The following MTOR variants were observed in gnomAD, a reference collection of about 807,000 sequenced individuals.
MTOR encodes mechanistic target of rapamycin kinase.
A neutral mutation model predicts 319.8 loss-of-function variants in MTOR; 70 were observed. The observed-to-expected ratio is 0.22, with a 90% CI of 0.18 to 0.27. The LOEUF is 0.27. MTOR is among the 10% of genes least tolerant of loss of function. The probability of loss-of-function intolerance (pLI) is 1.00; values close to 1 mark genes in which losing one functional copy is unlikely to be tolerated. For missense variants in MTOR, 1,890 were observed against 3,274.4 expected (o/e 0.58, Z 10.32); for synonymous variants, 1,183 against 1,211.4 (o/e 0.98, Z 0.49).
chr1:11,216,011 G>A (rs984762499), intron 20 of MTOR, 137 bp downstream of exon 20: 1 of 518,676 alleles, frequency 1.9e-6, no homozygotes, highest in East Asian at 3.0e-5. Flanking sequence ...AATCCAGTGG[G>A]CTTTGTTCCA....
At chr1:11,261,138 G>A (rs894977927) in intron 1 of MTOR, among the ~76,000 whole-genome samples, 1 of 151,890 alleles carries the variant, frequency 6.6e-6, no homozygotes, top group Admixed American at 6.6e-5. Flanking sequence ...GTGGCTGGTG[G>A]TTCTTGTACT....
chr1:11,194,661 T>A, intron 28 of MTOR: 2 of 1,613,006 alleles, frequency 1.2e-6, no homozygotes. Context: ...TCCGCAAAGG[T>A]GAGATTTGGG....
At chr1:11,194,896 G>C in intron 28 of MTOR, 1 of 1,614,162 alleles carries the variant, frequency 6.2e-7, no homozygotes, top group Non-Finnish European at 8.5e-7. Flanking sequence ...AACCTCAATG[G>C]AGTGTACTAC....
chr1:11,244,354 C>T lies in MTOR; in HGVS notation c.1226-1054G>A, dbSNP rs368249849. Among the ~76,000 whole-genome samples the T allele has an allele frequency of 4.7e-5, 7 of 147,972 alleles. No individual in the cohort carries two copies. In the South Asian group the frequency reaches 6.5e-4, roughly 14 times the overall value. ...AACTAATAAAAAACCAGTACAGGGTCGGGCGCGGTGGCTCACGCCTGTAAT... is the reference window on the plus strand; with the variant it reads ...AACTAATAAAAAACCAGTACAGGGTTGGGCGCGGTGGCTCACGCCTGTAAT... On this transcript the variant is annotated intron_variant, in intron 8 of 57. Transcript: ENST00000361445.
intron 49 of MTOR, among the ~76,000 whole-genome samples, chr1:11,118,228 ATTTTT>A (rs771785403): frequency 3.3e-5 from 4 of 120,752 alleles, no homozygotes; most frequent in African/African-American, 1.6e-4. Context: ...AACTTAGTTA[ATTTTT>A]TTTTTTTTTT....
At chr1:11,169,677 T>C (rs751887719) in intron 28 of MTOR, among the ~76,000 whole-genome samples, 6 of 152,258 alleles carry the variant, frequency 3.9e-5, no homozygotes, top group Non-Finnish European at 5.9e-5. Context: ...TGATCATAAA[T>C]AAGTCGTTTC....
Position 11,107,505 on chromosome 1 carries a change from G to A in MTOR, c.7635-5C>T, listed in dbSNP as rs1641633538. The stretch of plus-strand genomic sequence containing the variant: ...TCCAGTTACCAGAAAGGGCACCTAA[G>A]AAGGCAGAAAGAAAAGGAATATTTT... On this transcript the variant is annotated splice_region_variant and splice_polypyrimidine_tract_variant and intron_variant, in intron 57 of 57. Transcript: ENST00000361445. 6.2e-7 allele frequency: 1 copy of A among 1,612,804 alleles called. No homozygotes were observed. The highest frequency in any genetic ancestry group is 1.1e-5 in the South Asian group (1 of 90,734).
Position 11,140,983 on chromosome 1 carries a change from G to GAA in MTOR, c.4873-1327_4873-1326dup, listed in dbSNP as rs56098089. Among the ~76,000 whole-genome samples the GAA allele has an allele frequency of 9.1e-3, 1,185 of 129,708 alleles. 15 individuals carry two copies. Among genetic ancestry groups the GAA allele is most frequent in the Non-Finnish European group, 0.013 (820 of 62,906 alleles). The allele number at this position is 129,708 out of a possible 152,430, so 85.1% of individuals were successfully genotyped here. On this transcript the variant is annotated intron_variant, in intron 34 of 57. Transcript: ENST00000361445. The stretch of plus-strand genomic sequence containing the variant: ...AGCCTAAACCTCCATTAAGACTTCT[G>GAA]AAAAAAAAAAAAAAAAGACTGTTGA...
intron 38 of MTOR, 96 bp from the exon 39 acceptor site, chr1:11,130,873 G>C (rs890166348): frequency 7.0e-7 from 1 of 1,436,538 alleles, no homozygotes; most frequent in African/African-American, 1.4e-5. Context: ...AGCTGCTCCT[G>C]CCTGTTCTGT....
Position 11,212,529 on chromosome 1 carries a change from A to T in MTOR, c.3399-55T>A. Reference sequence around the variant, plus strand: ...CTAACATACAATCTCCAAGGAAGAGACGTGACTGAGGGTGAGCTTAACAAT... The same window carrying T: ...CTAACATACAATCTCCAAGGAAGAGTCGTGACTGAGGGTGAGCTTAACAAT... On this transcript the variant is annotated intron_variant, in intron 22 of 57. Transcript: ENST00000361445. The surrounding 1 kb of genome is among the most constrained non-coding windows in gnomAD (Gnocchi z 4.1). 6.3e-7 allele frequency: 1 copy of T among 1,575,810 alleles called. No individual in the cohort carries two copies. Among genetic ancestry groups the T allele is most frequent in the Admixed American group, 1.8e-5 (1 of 55,936 alleles).
rs2100273427 is a variant in MTOR, at chr1:11,106,813, C to T, written c.*672G>A. 1 of 1,299,638 alleles carries T rather than the reference C, an allele frequency of 7.7e-7. No homozygotes were observed. 80.5% of individuals were successfully genotyped at this position (1,299,638 alleles called of 1,614,324 possible). On this transcript the variant is annotated 3_prime_UTR_variant, in exon 58 of 58. Coordinates refer to ENST00000361445, the MANE Select transcript of MTOR (RefSeq NM_004958.4). ...GGTGGTCCCACTGCACAGTGATCCC[C>T]TCTGTGCATCTGCTCAGCCGAGGCT... is the stretch of plus-strand genomic sequence containing the variant.
chr1:11,208,262 C>T (rs1174739781), intron 25 of MTOR, among the ~76,000 whole-genome samples: 1 of 152,240 alleles, frequency 6.6e-6, no homozygotes, highest in Non-Finnish European at 1.5e-5. Context: ...TCACTCCTGA[C>T]CCAGGAATAT....
intron 19 of MTOR, among the ~76,000 whole-genome samples, chr1:11,218,358 A>G (rs975303806): frequency 1.3e-5 from 2 of 151,926 alleles, no homozygotes; most frequent in Non-Finnish European, 2.9e-5. Context: ...TGAAACCGGA[A>G]GGCGGAGGTT....
At chr1:11,246,609 G>A (rs1648865071) in intron 8 of MTOR, among the ~76,000 whole-genome samples, 3 of 151,270 alleles carry the variant, frequency 2.0e-5, no homozygotes, top group Admixed American at 1.3e-4. Context: ...TTGTCTGGCT[G>A]GGTGGCGTGA....
At chr1:11,126,479 A>C in intron 46 of MTOR, 143 bp downstream of exon 46, 1 of 960,954 alleles carries the variant, frequency 1.0e-6, no homozygotes, top group Non-Finnish European at 1.5e-6. Context: ...CTTGCCCTCT[A>C]TTTTCCTCTC....
chr1:11,218,861 C>A (rs1220971306), intron 19 of MTOR, among the ~76,000 whole-genome samples: 32 of 152,142 alleles, frequency 2.1e-4, no homozygotes, highest in Admixed American at 2.0e-3. Flanking sequence ...AACTCCCCCA[C>A]TATGAAAAGC....
chr1:11,164,650 G>T (rs999974029), intron 29 of MTOR, among the ~76,000 whole-genome samples: 28 of 152,106 alleles, frequency 1.8e-4, no homozygotes, highest in African/African-American at 6.5e-4. Flanking sequence ...GTTCACAGCC[G>T]AATTCTACCA....
Position 11,196,379 on chromosome 1 carries a change from C to T in MTOR, c.4253+2879G>A, listed in dbSNP as rs1052921116. 4.6e-5 allele frequency among the ~76,000 whole-genome samples: 7 copies of T among 152,106 alleles called. No individual in the cohort carries two copies. In the South Asian group the frequency reaches 1.5e-3, roughly 32 times the overall value. ...GCAAATATATTTACTGATATGTGAGCTTTAAGGAGATGGGGGTAGTTTATA... is the reference window on the plus strand; with the variant it reads ...GCAAATATATTTACTGATATGTGAGTTTTAAGGAGATGGGGGTAGTTTATA... On this transcript the variant is annotated intron_variant, in intron 28 of 57. Coordinates refer to ENST00000361445, the MANE Select transcript of MTOR (RefSeq NM_004958.4).
intron 49 of MTOR, among the ~76,000 whole-genome samples, chr1:11,117,448 A>G (rs1642229545): frequency 6.6e-6 from 1 of 152,226 alleles, no homozygotes; most frequent in Non-Finnish European, 1.5e-5. Context: ...GGCCTGAGCC[A>G]CTGTGCCTGG....
Sources: gnomAD v4.1 joint callset for allele counts (sites outside exome capture counted in the v4.1 genomes callset) on GRCh38, gnomAD v4.1.1 for gene constraint, Gnocchi (gnomAD v3.1) non-coding constraint, MANE v1.5 for transcripts, NCBI Gene and HGNC (gene_info 2026-07-23, HGNC 2026-07-21) for gene names.